PANK2: variants seen among roughly 807,000 people sequenced by gnomAD.
PANK2 encodes the protein pantothenate kinase 2, also known as pantothenate kinase 2, mitochondrial.
In PANK2, 36 loss-of-function variants were observed where a neutral mutation model predicts 43.1. The observed-to-expected ratio is 0.84, with a 90% CI of 0.64 to 1.10. PANK2 has a LOEUF of 1.10. PANK2 is among the 50% of genes least tolerant of loss of function. The probability of loss-of-function intolerance (pLI) is 0.00; values close to 1 mark genes in which losing one functional copy is unlikely to be tolerated. For synonymous variants in PANK2, 281 were observed against 238.2 expected (o/e 1.18, Z -1.66); for missense variants, 576 against 593.3 (o/e 0.97, Z 0.30).
intron 4 of PANK2, among the ~76,000 whole-genome samples, chr20:3,913,988 A>AC (rs1325457864): frequency 1.3e-5 from 2 of 151,252 alleles, no homozygotes; most frequent in Admixed American, 6.6e-5. Context: ...ATGGGGTTTC[A>AC]CTATGTTGGC....
At chr20:3,896,067 T>A (rs2090201923) in intron 1 of PANK2, among the ~76,000 whole-genome samples, 1 of 140,848 alleles carries the variant, frequency 7.1e-6, no homozygotes, top group South Asian at 2.2e-4. Flanking sequence ...TGTGTGTTTC[T>A]TTTTTTTTTT....
intron 4 of PANK2, among the ~76,000 whole-genome samples, chr20:3,914,024 C>T (rs1312275677): frequency 7.9e-5 from 12 of 151,036 alleles, no homozygotes; most frequent in East Asian, 6.0e-4. Context: ...CTGCTGACCT[C>T]ATGATCCGCC....
rs241596 is a variant in PANK2 at position 3,925,294 on chromosome 20, G to T, written c.*2000G>T. ...GTGTCACCCAGGTGGAGTGCAGTGGGGCGATCTCAGCTCACTGCAACCTCT... is the reference window on the plus strand; with the variant it reads ...GTGTCACCCAGGTGGAGTGCAGTGGTGCGATCTCAGCTCACTGCAACCTCT... On this transcript the variant is annotated 3_prime_UTR_variant, in exon 7 of 7. Coordinates refer to ENST00000610179, the MANE Select transcript of PANK2 (RefSeq NM_001386393.1). 75,498 of 152,528 alleles carry T rather than the reference G, an allele frequency of 0.49. 19,274 individuals carry two copies. Among genetic ancestry groups the T allele is most frequent in the African/African-American group, 0.61 (25,245 of 41,506 alleles). 9.4% of individuals were successfully genotyped at this position (152,528 alleles called of 1,614,324 possible). A position where few individuals can be genotyped will look rare whatever the true frequency, so the allele number is the denominator to read the frequency against.
chr20:3,923,019 A>G (rs976633324), intron 6 of PANK2, among the ~76,000 whole-genome samples: 1 of 152,052 alleles, frequency 6.6e-6, no homozygotes, highest in African/African-American at 2.4e-5. Flanking sequence ...CTCTTATCAC[A>G]GTGGTCTGAA....
chr20:3,911,532 C>A (rs866171739), intron 3 of PANK2, among the ~76,000 whole-genome samples: 1 of 150,034 alleles, frequency 6.7e-6, no homozygotes, highest in Non-Finnish European at 1.5e-5. Context: ...TGCAGTAAGC[C>A]GAGATTATGC....
At chr20:3,917,149 C>A (rs2090574602) in intron 5 of PANK2, 99 bp downstream of exon 5, 5 of 1,480,108 alleles carry the variant, frequency 3.4e-6, no homozygotes, top group Non-Finnish European at 2.8e-6. Context: ...TAAATGTAGT[C>A]ATTTGGGGTG....
intron 1 of PANK2, among the ~76,000 whole-genome samples, chr20:3,894,440 A>G (rs2090172692): frequency 6.6e-6 from 1 of 150,586 alleles, no homozygotes; most frequent in South Asian, 2.1e-4. Context: ...AGGTTTCTCC[A>G]TGTTGGTCAG....
At chr20:3,889,314 T>C (rs2146803751), upstream of PANK2, 1 of 1,595,292 alleles carries the variant, frequency 6.3e-7, no homozygotes, top group South Asian at 1.1e-5. Context: ...CTTTGGGCCG[T>C]CCCCAGCCTC....
At chr20:3,904,696 G>A (rs912482314) in intron 1 of PANK2, among the ~76,000 whole-genome samples, 4 of 152,120 alleles carry the variant, frequency 2.6e-5, no homozygotes, top group Non-Finnish European at 4.4e-5. Context: ...TCTGGCAATC[G>A]TTTTTTAATT....
chr20:3,928,903 T>C lies in PANK2; in HGVS notation c.*5609T>C, dbSNP rs1568600770. 5 of 151,504 alleles carry C rather than the reference T, an allele frequency of 3.3e-5. No homozygotes were observed. The East Asian group carries it at 9.8e-4, about 30-fold the overall frequency. The allele number at this position is 151,504 out of a possible 1,614,324, so 9.4% of individuals were successfully genotyped here. On this transcript the variant is annotated 3_prime_UTR_variant, in exon 7 of 7. Transcript: ENST00000610179. Reference sequence around the variant, plus strand: ...TCTCGCTCTGTTGCCCAGGCTGGAGTGCAGTGGGGATCTTGGCTCACTGCA... The same window carrying C: ...TCTCGCTCTGTTGCCCAGGCTGGAGCGCAGTGGGGATCTTGGCTCACTGCA...
rs1245761089 is a variant in PANK2, at chr20:3,923,979, A to G, written c.*685A>G. 1.3e-5 allele frequency: 2 copies of G among 152,856 alleles called. No individual in the cohort carries two copies. Among genetic ancestry groups the G allele is most frequent in the East Asian group, 3.8e-4 (2 of 5,214 alleles). 9.5% of individuals were successfully genotyped at this position (152,856 alleles called of 1,614,324 possible). ...TGATGCAAGTGGGTACACTGGCAGA[A>G]GCAGCACAATCTGGAGGACTAACAT... On this transcript the variant is annotated 3_prime_UTR_variant, in exon 7 of 7. Coordinates refer to ENST00000610179, the MANE Select transcript of PANK2 (RefSeq NM_001386393.1).
rs2090793347 is a variant in PANK2, at chr20:3,929,757, A to G, written c.*6463A>G. 1.3e-5 allele frequency: 2 copies of G among 152,224 alleles called. No homozygotes were observed. The highest frequency in any genetic ancestry group is 4.8e-5 in the African/African-American group (2 of 41,474). The allele number at this position is 152,224 out of a possible 1,614,324, so 9.4% of individuals were successfully genotyped here. A position where few individuals can be genotyped will look rare whatever the true frequency, so the allele number is the denominator to read the frequency against. On this transcript the variant is annotated 3_prime_UTR_variant, in exon 7 of 7. Transcript: ENST00000610179. The stretch of plus-strand genomic sequence containing the variant: ...AGCATCCTGTCGCAGATAGAAAGTC[A>G]ATCAGAAAAATCTGGTTGTGCTCTT...
At chr20:3,922,912 A>C (rs2090668737) in intron 6 of PANK2, among the ~76,000 whole-genome samples, 1 of 151,928 alleles carries the variant, frequency 6.6e-6, no homozygotes, top group African/African-American at 2.4e-5. Context: ...TTCTCACCTC[A>C]TTCCCCAGAA....
In PANK2 at chr20:3,916,967, A is replaced by G; in HGVS notation, c.1123A>G (p.Ser375Gly). 1 of 1,614,126 alleles carries G rather than the reference A, an allele frequency of 6.2e-7. No homozygotes were observed. The highest frequency in any genetic ancestry group is 1.7e-5 in the Admixed American group (1 of 60,010). The change falls in exon 5 of 7, where the codon AGT (serine) becomes GGT (glycine). Residue 375 changes from serine to glycine, a missense_variant. Transcript: ENST00000610179. Reference sequence around the variant, plus strand: ...GAGCAAGGAGAAGCGAGAGGCTGTCAGTAAAGAGGACCTGGCCAGAGCGAC... The same window carrying G: ...GAGCAAGGAGAAGCGAGAGGCTGTCGGTAAAGAGGACCTGGCCAGAGCGAC...
upstream of PANK2, chr20:3,888,940 ACCAGCGGCCAGACGCTGCGGGAG>A: frequency 1.7e-6 from 1 of 596,316 alleles, no homozygotes. Context: ...TCTGCCGACG[ACCAGCGGCCAGACGCTGCGGGAG>A]CACTGCTGGG....
At chr20:3,913,797 T>A (rs1470937256) in intron 4 of PANK2, among the ~76,000 whole-genome samples, 17 of 120,692 alleles carry the variant, frequency 1.4e-4, no homozygotes, top group Non-Finnish European at 1.8e-4. Context: ...TATATTTTTT[T>A]TTTTTTTTTG....
intron 1 of PANK2, among the ~76,000 whole-genome samples, chr20:3,904,411 T>G (rs1006700684): frequency 6.6e-6 from 1 of 151,872 alleles, no homozygotes; most frequent in Non-Finnish European, 1.5e-5. Context: ...TGAGACCTTG[T>G]CTCTCCAAAA....
chr20:3,903,394 C>T lies in PANK2; in HGVS notation c.299-4532C>T, dbSNP rs187426257. ...AATTCCTGACCTCAGGTGATCCGCCCGCCTTAGCCTCCCAAAGTGCTGGAA... is the reference window on the plus strand; with the variant it reads ...AATTCCTGACCTCAGGTGATCCGCCTGCCTTAGCCTCCCAAAGTGCTGGAA... On this transcript the variant is annotated intron_variant, in intron 1 of 6. Transcript: ENST00000610179. Among the ~76,000 whole-genome samples the T allele has an allele frequency of 9.3e-5, 14 of 151,182 alleles. No homozygotes were observed. In the East Asian group the frequency reaches 1.2e-3, roughly 13 times the overall value.
In PANK2 at chr20:3,923,711, T is replaced by C; in HGVS notation, c.*417T>C. On this transcript the variant is annotated 3_prime_UTR_variant, in exon 7 of 7. Transcript: ENST00000610179. ...TAATCACAATTTGTCAATATGGTCT[T>C]GGCAATCATCTGTGCATTACTCTGG... The C allele has an allele frequency of 4.3e-6, 1 of 235,234 alleles. No homozygotes were observed. The highest frequency in any genetic ancestry group is 6.3e-5 in the South Asian group (1 of 15,908). The allele number at this position is 235,234 out of a possible 1,614,324, so 14.6% of individuals were successfully genotyped here.
Sources: gnomAD v4.1 joint callset for allele counts (sites outside exome capture counted in the v4.1 genomes callset) on GRCh38, gnomAD v4.1.1 for gene constraint, MANE v1.5 for transcripts, NCBI Gene and HGNC (gene_info 2026-07-23, HGNC 2026-07-21) for gene names.